Variants in TMCC3 observed in about 807,000 individuals in gnomAD.
TMCC3 encodes the protein transmembrane and coiled-coil domain protein 3.
In TMCC3, 28 loss-of-function variants were observed where a neutral mutation model predicts 40.2. That is an observed-to-expected ratio of 0.70 (90% CI 0.52 to 0.95). The LOEUF (loss-of-function observed/expected upper bound fraction) is 0.95. Among genes scored for constraint, TMCC3 ranks in the 40% least tolerant of loss-of-function variants. The pLI, the probability that TMCC3 is intolerant of heterozygous loss-of-function variation, is 0.00. For synonymous variants in TMCC3, 255 were observed against 248.5 expected, an observed-to-expected ratio of 1.03 and a Z score of -0.25; for missense variants, 554 against 615.2, an observed-to-expected ratio of 0.90 and a Z score of 1.05.
At chr12:94,617,270 G>A (rs2068852920) in intron 1 of TMCC3, among the ~76,000 whole-genome samples, 1 of 152,180 alleles carries the variant, frequency 6.6e-6, no homozygotes, top group African/African-American at 2.4e-5. Context: ...AACAGCACTG[G>A]AGCCCATTGG....
chr12:94,588,482 C>T (rs917274292), intron 1 of TMCC3, among the ~76,000 whole-genome samples: 9 of 152,158 alleles, frequency 5.9e-5, no homozygotes, highest in African/African-American at 2.2e-4. Flanking sequence ...GACAATGAAC[C>T]TTTGCTTAAA....
At chr12:94,607,927 C>A (rs1192672075) in intron 1 of TMCC3, among the ~76,000 whole-genome samples, 1 of 152,198 alleles carries the variant, frequency 6.6e-6, no homozygotes, top group Non-Finnish European at 1.5e-5. Flanking sequence ...GATTTCTATA[C>A]TTTAATGACT....
At chr12:94,572,884 G>A (rs540058007) in intron 3 of TMCC3, among the ~76,000 whole-genome samples, 14 of 152,154 alleles carry the variant, frequency 9.2e-5, no homozygotes, top group Non-Finnish European at 8.8e-5. Context: ...CTCTGAACGC[G>A]GTGTTACTCA....
rs78497497 is a variant in TMCC3, at chr12:94,572,040, G to A, written c.1132-303C>T. On this transcript the variant is annotated intron_variant, in intron 3 of 3. Transcript: ENST00000261226. ...TTTTGAGATGTAGTCTTGCTCTGTC[G>A]CCAGGCTGGAGTGCAGTGGTGCGAT... 3.3e-3 allele frequency among the ~76,000 whole-genome samples: 507 copies of A among 152,094 alleles called. 13 individuals carry two copies. The East Asian group carries it at 0.089, about 27-fold the overall frequency.
chr12:94,639,216 A>G (rs2068976064), intron 1 of TMCC3, among the ~76,000 whole-genome samples: 3 of 152,328 alleles, frequency 2.0e-5, no homozygotes, highest in South Asian at 4.1e-4. Context: ...ATTTCCACCT[A>G]GATGAGACTG....
In TMCC3 at chr12:94,578,146, C is replaced by CAAAAAAAAAAAA. The variant is rs1183420863; in HGVS notation, c.1131+236_1131+247dup. Among the ~76,000 whole-genome samples the CAAAAAAAAAAAA allele has an allele frequency of 3.6e-3, 123 of 34,148 alleles. 1 individual carries two copies. Among genetic ancestry groups the CAAAAAAAAAAAA allele is most frequent in the African/African-American group, 6.2e-3 (50 of 8,056 alleles). 22.4% of individuals were successfully genotyped at this position (34,148 alleles called of 152,430 possible). ...CTGGGCCACAGAGCGAGACTCACCTCAAAAAAAAAAAAAAAAAAAAAAGAA... is the reference window on the plus strand; with the variant it reads ...CTGGGCCACAGAGCGAGACTCACCTCAAAAAAAAAAAAAAAAAAAAAAAAAAAAAAAAAAGAA... On this transcript the variant is annotated intron_variant, in intron 3 of 3. Coordinates refer to ENST00000261226, the MANE Select transcript of TMCC3 (RefSeq NM_020698.4).
chr12:94,631,488 G>C (rs2068933286), intron 1 of TMCC3, among the ~76,000 whole-genome samples: 1 of 152,060 alleles, frequency 6.6e-6, no homozygotes, highest in African/African-American at 2.4e-5. Context: ...TGTGAAGACA[G>C]GAGAAAGACG....
chr12:94,587,180 C>T (rs569880077), intron 1 of TMCC3, among the ~76,000 whole-genome samples: 2 of 152,320 alleles, frequency 1.3e-5, no homozygotes, highest in South Asian at 2.1e-4. Flanking sequence ...AGGGTTAGGA[C>T]GCAGGAAGGA....
intron 1 of TMCC3, among the ~76,000 whole-genome samples, chr12:94,599,562 C>G (rs547052186): frequency 7.4e-6 from 1 of 135,556 alleles, no homozygotes; most frequent in Non-Finnish European, 1.6e-5. Context: ...AGATACCCCC[C>G]CCCCCGCCCA....
At chr12:94,616,452 G>C (rs2138864572) in intron 1 of TMCC3, 1 of 152,664 alleles carries the variant, frequency 6.6e-6, no homozygotes, top group South Asian at 2.1e-4. Flanking sequence ...AAGGGAAGTG[G>C]CTTAAAGACA....
chr12:94,574,396 A>C (rs902430450), intron 3 of TMCC3, among the ~76,000 whole-genome samples: 3 of 151,818 alleles, frequency 2.0e-5, no homozygotes, highest in Admixed American at 6.6e-5. Context: ...AAAAAACAAA[A>C]AAAAAAAACA....
intron 1 of TMCC3, among the ~76,000 whole-genome samples, chr12:94,597,123 AC>A (rs1401329740): frequency 3.3e-3 from 14 of 4,264 alleles, no homozygotes; most frequent in Admixed American, 5.8e-3. Context: ...CTATTAAAAT[AC>A]ATATATATAT....
At chr12:94,616,501 G>C (rs2138864608) in intron 1 of TMCC3, 1 of 152,444 alleles carries the variant, frequency 6.6e-6, no homozygotes, top group South Asian at 2.1e-4. Context: ...TCATTCATGA[G>C]ACAGACACTT....
At chr12:94,585,647 T>C (rs949916749) in intron 1 of TMCC3, among the ~76,000 whole-genome samples, 2 of 151,646 alleles carry the variant, frequency 1.3e-5, no homozygotes, top group Non-Finnish European at 2.9e-5. Flanking sequence ...CAGTGAGCCA[T>C]TGCACTCCAG....
rs2068604089 is a variant in TMCC3, at chr12:94,581,844, G to A, written c.773C>T (p.Ser258Leu). 2.5e-6 allele frequency: 4 copies of A among 1,614,040 alleles called. No homozygotes were observed. The highest frequency in any genetic ancestry group is 2.5e-6 in the Non-Finnish European group (3 of 1,179,922). The change falls in exon 2 of 4, where the codon TCG becomes TTG. Residue 258 changes from serine to leucine, a missense_variant. Coordinates refer to ENST00000261226, the MANE Select transcript of TMCC3 (RefSeq NM_020698.4). ...GTCGGCCGAGCCTGACGTGCCACTCGAACATTCATCATCACTGCCATACTT... is the reference window on the plus strand; with the variant it reads ...GTCGGCCGAGCCTGACGTGCCACTCAAACATTCATCATCACTGCCATACTT... ...KPKYGSDDEC[S>L]SGTSGSADSN... is the part of the protein sequence containing the mutation.
rs1475271294 is a variant in TMCC3, at chr12:94,568,281, G to A, written c.*3154C>T. ...CCATTTTTTTTTTTTTTTTTTGGCAGTTGGGGGTGGGGTGTTCTGGTTTAA... is the reference window on the plus strand; with the variant it reads ...CCATTTTTTTTTTTTTTTTTTGGCAATTGGGGGTGGGGTGTTCTGGTTTAA... On this transcript the variant is annotated 3_prime_UTR_variant, in exon 4 of 4. Transcript: ENST00000261226. 1.4e-5 allele frequency: 2 copies of A among 142,616 alleles called. No homozygotes were observed. The highest frequency in any genetic ancestry group is 5.2e-5 in the African/African-American group (2 of 38,098). 8.8% of individuals were successfully genotyped at this position (142,616 alleles called of 1,614,324 possible).
At chr12:94,609,947 G>A (rs986530323) in intron 1 of TMCC3, 5 of 152,068 alleles carry the variant, frequency 3.3e-5, no homozygotes, top group African/African-American at 9.7e-5. Flanking sequence ...CCCTTTGGCC[G>A]GGGCTGAGTC....
intron 1 of TMCC3, among the ~76,000 whole-genome samples, chr12:94,622,645 ATCTG>A (rs755077968): frequency 1.9e-4 from 29 of 152,286 alleles, no homozygotes; most frequent in Admixed American, 3.9e-4. Flanking sequence ...AAACACATTC[ATCTG>A]GTCGGACATT....
chr12:94,620,103 C>A (rs528177762), intron 1 of TMCC3, among the ~76,000 whole-genome samples: 2 of 151,540 alleles, frequency 1.3e-5, no homozygotes, highest in African/African-American at 4.8e-5. Flanking sequence ...GCGGAGGTTG[C>A]GGCGAGCCAA....
Sources: allele counts gnomAD v4.1 joint callset (sites outside exome capture counted in the v4.1 genomes callset), GRCh38; gene constraint gnomAD v4.1.1; transcripts MANE v1.5; gene names NCBI Gene and HGNC (gene_info 2026-07-23, HGNC 2026-07-21).